SMC5: variants seen among roughly 807,000 people sequenced by gnomAD.
SMC5 encodes the protein structural maintenance of chromosomes 5.
Under a neutral mutation model 148.3 loss-of-function variants are expected in SMC5, and 88 were observed. The observed-to-expected ratio is 0.59, with a 90% confidence interval of 0.50 to 0.71. The LOEUF is 0.71. SMC5 is among the 30% of genes least tolerant of loss of function. SMC5 has a pLI of 0.00. For missense variants in SMC5, 1,142 were observed against 1,298.9 expected, an observed-to-expected ratio of 0.88 and a Z score of 1.86; for synonymous variants, 421 against 432.8, an observed-to-expected ratio of 0.97 and a Z score of 0.34.
In SMC5 at chr9:70,323,573, G is replaced by A. The variant is rs374922058; in HGVS notation, c.2241G>A (p.Ala747=). ...TKIKEINVQK[A]KLVTELTNLI... ...TCAAAGAAATAAATGTTCAAAAAGC[G>A]AAACTTGTTACCGAATTAACAAACC... The change falls in exon 16 of 25, where the codon GCG becomes GCA. Residue 747 remains alanine, a synonymous_variant. Transcript: ENST00000361138. The A allele has an allele frequency of 5.1e-5, 82 of 1,611,778 alleles. No individual in the cohort carries two copies. Among genetic ancestry groups the A allele is most frequent in the Non-Finnish European group, 6.3e-5 (74 of 1,179,240 alleles).
chr9:70,284,358 A>G (rs73446789), intron 7 of SMC5, among the ~76,000 whole-genome samples: 1,824 of 152,306 alleles, frequency 0.012, 27 homozygotes, highest in African/African-American at 0.04. Context: ...TTATCTAGAC[A>G]AGCCCCCTCA....
Position 70,346,663 on chromosome 9 carries a change from A to G in SMC5, c.2568+14A>G. On this transcript the variant is annotated intron_variant, in intron 19 of 24. Coordinates refer to ENST00000361138, the MANE Select transcript of SMC5 (RefSeq NM_015110.4). ...TCACTCCCCATGGTATGCAGTACTC[A>G]TTCTTTTTTCCCAAGCTCCTGTTTT... The G allele has an allele frequency of 6.2e-7, 1 of 1,613,720 alleles. No individual in the cohort carries two copies.
chr9:70,286,312 C>A, intron 8 of SMC5, 41 bp downstream of exon 8: 1 of 1,316,398 alleles, frequency 7.6e-7, no homozygotes, highest in Non-Finnish European at 1.1e-6. Context: ...TTAAAGTTTG[C>A]TCTAACTTTT....
rs943165276 is a variant in SMC5 at position 70,353,455 on chromosome 9, A to G, written c.*1124A>G. 26 of 152,218 alleles carry G rather than the reference A, an allele frequency of 1.7e-4. No homozygotes were observed. The highest frequency in any genetic ancestry group is 3.2e-4 in the Non-Finnish European group (22 of 68,018). The allele number at this position is 152,218 out of a possible 1,614,324, so 9.4% of individuals were successfully genotyped here. A position where few individuals can be genotyped will look rare whatever the true frequency, so the allele number is the denominator to read the frequency against. On this transcript the variant is annotated 3_prime_UTR_variant, in exon 25 of 25. Transcript: ENST00000361138. ...AACAAATTATCTTCTTTTAAAAAAT[A>G]AATCTTATAGGAAAATAGACAGTCC... is the stretch of plus-strand genomic sequence containing the variant.
intron 17 of SMC5, among the ~76,000 whole-genome samples, chr9:70,342,119 C>G (rs2036542120): frequency 6.6e-6 from 1 of 151,414 alleles, no homozygotes; most frequent in African/African-American, 2.4e-5. Context: ...AATCATCATT[C>G]TCAGTAATCT....
chr9:70,288,438 T>G (rs935159044), intron 8 of SMC5, among the ~76,000 whole-genome samples: 6 of 152,032 alleles, frequency 3.9e-5, no homozygotes, highest in African/African-American at 1.2e-4. Context: ...TTCAACTAAT[T>G]TTTTTTAAAA....
At chr9:70,289,841 G>GT (rs2035011596) in intron 8 of SMC5, among the ~76,000 whole-genome samples, 1 of 151,288 alleles carries the variant, frequency 6.6e-6, no homozygotes, top group South Asian at 2.1e-4. Context: ...TCCCATGTCA[G>GT]TATCATCAGA....
rs569358562 is a variant in SMC5, at chr9:70,347,793, T to C, written c.2769+76T>C. 2.6e-4 allele frequency: 333 copies of C among 1,258,166 alleles called. 2 individuals carry two copies. Among genetic ancestry groups the C allele is most frequent in the Non-Finnish European group, 3.5e-4 (320 of 905,260 alleles). 77.9% of individuals were successfully genotyped at this position (1,258,166 alleles called of 1,614,324 possible). A position where few individuals can be genotyped will look rare whatever the true frequency, so the allele number is the denominator to read the frequency against. On this transcript the variant is annotated intron_variant, in intron 21 of 24. Coordinates refer to ENST00000361138, the MANE Select transcript of SMC5 (RefSeq NM_015110.4). The stretch of plus-strand genomic sequence containing the variant: ...GAATGTAGAATAATGGAAAATGAGA[T>C]GACATGCTTCTAAGAGAAGTGTGTT...
chr9:70,346,317 G>T, intron 18 of SMC5: 1 of 410,506 alleles, frequency 2.4e-6, no homozygotes, highest in Middle Eastern at 6.4e-4. Flanking sequence ...AATATGTCAA[G>T]ATCTTTTTCA....
At chr9:70,278,768 A>C in intron 5 of SMC5, 143 bp downstream of exon 5, 1 of 713,240 alleles carries the variant, frequency 1.4e-6, no homozygotes, top group East Asian at 3.2e-5. Flanking sequence ...TGCTAATATC[A>C]GTTAAAGTGA....
chr9:70,266,613 G>T (rs1405140018), intron 2 of SMC5, among the ~76,000 whole-genome samples: 1 of 152,118 alleles, frequency 6.6e-6, no homozygotes, highest in African/African-American at 2.4e-5. Flanking sequence ...TTTTAAGGGA[G>T]GCTGTGGAGT....
At chr9:70,296,880 T>G (rs1395487659) in intron 8 of SMC5, among the ~76,000 whole-genome samples, 1 of 152,182 alleles carries the variant, frequency 6.6e-6, no homozygotes, top group Admixed American at 6.5e-5. Context: ...AGTGGCAAGT[T>G]ACATAGCTGG....
At chr9:70,333,356 G>A (rs2036271843) in intron 17 of SMC5, among the ~76,000 whole-genome samples, 2 of 152,132 alleles carry the variant, frequency 1.3e-5, no homozygotes, top group Non-Finnish European at 2.9e-5. Context: ...TATAATCCTA[G>A]CACTTTGGGA....
chr9:70,293,094 T>C (rs2035108244), intron 8 of SMC5, among the ~76,000 whole-genome samples: 1 of 152,142 alleles, frequency 6.6e-6, no homozygotes, highest in African/African-American at 2.4e-5. Context: ...ACATTTTGTG[T>C]AATTCTCAAG....
At chr9:70,318,192 C>T (rs1196338902) in intron 13 of SMC5, among the ~76,000 whole-genome samples, 1 of 152,050 alleles carries the variant, frequency 6.6e-6, no homozygotes, top group Non-Finnish European at 1.5e-5. Flanking sequence ...ACCAGCGCCC[C>T]CATAGGAAGC....
At chr9:70,316,448 T>C (rs2035803821) in intron 13 of SMC5, among the ~76,000 whole-genome samples, 1 of 139,870 alleles carries the variant, frequency 7.1e-6, no homozygotes, top group Non-Finnish European at 1.6e-5. Flanking sequence ...CAAAAACAAG[T>C]TACTTAACAG....
chr9:70,294,861 T>C lies in SMC5; in HGVS notation c.1054-3105T>C, dbSNP rs935416041. 2.6e-5 allele frequency among the ~76,000 whole-genome samples: 4 copies of C among 152,242 alleles called. No homozygotes were observed. In the East Asian group the frequency reaches 7.7e-4, roughly 29 times the overall value. On this transcript the variant is annotated intron_variant, in intron 8 of 24. Transcript: ENST00000361138. ...TGTTTAAGTCACATGATGACAGATA[T>C]AATGATGGAGAGAGGAAGACAGTGA...
In SMC5 at chr9:70,353,915, T is replaced by C. The variant is rs1298668819; in HGVS notation, c.*1584T>C. On this transcript the variant is annotated 3_prime_UTR_variant, in exon 25 of 25. Coordinates refer to ENST00000361138, the MANE Select transcript of SMC5 (RefSeq NM_015110.4). The stretch of plus-strand genomic sequence containing the variant: ...TATCTTTACTAAAATGTGCTTGGTG[T>C]AGTTTGTTTATTGTCTAAATTAGTA... The C allele has an allele frequency of 6.6e-6, 1 of 152,246 alleles. No homozygotes were observed. Among genetic ancestry groups the C allele is most frequent in the African/African-American group, 2.4e-5 (1 of 41,470 alleles). The allele number at this position is 152,246 out of a possible 1,614,324, so 9.4% of individuals were successfully genotyped here. A position where few individuals can be genotyped will look rare whatever the true frequency, so the allele number is the denominator to read the frequency against.
intron 17 of SMC5, among the ~76,000 whole-genome samples, chr9:70,336,008 A>C (rs1487176150): frequency 6.6e-6 from 1 of 152,198 alleles, no homozygotes; most frequent in Non-Finnish European, 1.5e-5. Context: ...GTAGATTTTT[A>C]AACCTGTTCA....
Sources: allele counts gnomAD v4.1 joint callset (sites outside exome capture counted in the v4.1 genomes callset), GRCh38; gene constraint gnomAD v4.1.1; transcripts MANE v1.5; gene names NCBI Gene and HGNC (gene_info 2026-07-23, HGNC 2026-07-21).